ZFAT: variants seen among roughly 807,000 people sequenced by gnomAD.
ZFAT encodes the protein zinc finger protein ZFAT.
ZFAT carries 64 observed loss-of-function variants against 117.7 expected under a neutral mutation model. That is an observed-to-expected ratio of 0.54 (90% CI 0.44 to 0.67). ZFAT has a LOEUF of 0.67. ZFAT is among the 30% of genes least tolerant of loss of function. ZFAT has a pLI of 0.00. For missense variants in ZFAT, 1,433 were observed against 1,584.5 expected, an observed-to-expected ratio of 0.90 and a Z score of 1.62; for synonymous variants, 679 against 615.0, an observed-to-expected ratio of 1.10 and a Z score of -1.54.
chr8:134,617,999 C>T (rs895885660), intron 3 of ZFAT, among the ~76,000 whole-genome samples: 7 of 152,094 alleles, frequency 4.6e-5, no homozygotes, highest in African/African-American at 1.4e-4. Context: ...CTGATGGGTT[C>T]ATCAGGGGTT....
upstream of ZFAT, among the ~76,000 whole-genome samples, chr8:134,715,676 G>GGTTC (rs1227448796): frequency 1.3e-5 from 2 of 152,208 alleles, no homozygotes; most frequent in African/African-American, 4.8e-5. Flanking sequence ...CCTCGGTGAT[G>GGTTC]GTTCCTAGAA....
the ZFAT span, among the ~76,000 whole-genome samples, chr8:134,776,558 A>G: frequency 6.6e-6 from 1 of 152,126 alleles, no homozygotes; most frequent in Non-Finnish European, 1.5e-5. Flanking sequence ...TTTTAAAGTA[A>G]AACGAGATGA....
chr8:134,518,482 C>T (rs1162521929), intron 13 of ZFAT, among the ~76,000 whole-genome samples: 1 of 152,144 alleles, frequency 6.6e-6, no homozygotes. Flanking sequence ...GTGAGAAATT[C>T]CATCCAGGGC....
intron 11 of ZFAT, among the ~76,000 whole-genome samples, chr8:134,539,274 AC>A (rs1458055884): frequency 1.3e-5 from 2 of 152,344 alleles, no homozygotes; most frequent in African/African-American, 4.8e-5. Flanking sequence ...ACTGCAATGT[AC>A]AGGATGGCTT....
intron 1 of ZFAT, among the ~76,000 whole-genome samples, chr8:134,697,607 G>A (rs1336216071): frequency 6.6e-6 from 1 of 151,168 alleles, no homozygotes; most frequent in Non-Finnish European, 1.5e-5. Context: ...GGCGCCTGTA[G>A]TCCCAGCTAC....
chr8:134,611,385 A>C (rs564838424), intron 3 of ZFAT, among the ~76,000 whole-genome samples: 1 of 152,370 alleles, frequency 6.6e-6, no homozygotes, highest in South Asian at 2.1e-4. Flanking sequence ...GGCAGAGCCT[A>C]AGTATAAACC....
chr8:134,640,787 A>G (rs538972924), intron 2 of ZFAT, among the ~76,000 whole-genome samples: 20 of 152,352 alleles, frequency 1.3e-4, no homozygotes, highest in Non-Finnish European at 1.6e-4. Flanking sequence ...TGAAATATTC[A>G]TGAATGAACT....
Position 134,681,057 on chromosome 8 carries a change from T to C in ZFAT, c.20-23320A>G, listed in dbSNP as rs566947601. On this transcript the variant is annotated intron_variant, in intron 1 of 15. Transcript: ENST00000377838. ...TGTACACTGCTAGGTGGCTTATCCA[T>C]GAGCCCAGTCAGTCCCAACTACCCT... is the stretch of plus-strand genomic sequence containing the variant. Among the ~76,000 whole-genome samples, 227 of 152,350 alleles carry C rather than the reference T, an allele frequency of 1.5e-3. 1 individual carries two copies. The highest frequency in any genetic ancestry group is 5.1e-3 in the African/African-American group (210 of 41,584).
chr8:134,695,374 C>T (rs931973868), intron 1 of ZFAT, among the ~76,000 whole-genome samples: 1 of 147,140 alleles, frequency 6.8e-6, no homozygotes, highest in African/African-American at 2.7e-5. Flanking sequence ...GGCCCAGGCC[C>T]TCCGTCCGTA....
the ZFAT span, chr8:134,797,677 T>C: frequency 6.6e-6 from 1 of 152,000 alleles, no homozygotes; most frequent in African/African-American, 2.4e-5. Context: ...TATTAAATAG[T>C]AAAAATACCC....
At chr8:134,508,471 AC>A (rs1230296862) in intron 15 of ZFAT, among the ~76,000 whole-genome samples, 1 of 152,236 alleles carries the variant, frequency 6.6e-6, no homozygotes, top group Non-Finnish European at 1.5e-5. Context: ...CAATTCAGTA[AC>A]AAATTTAGTC....
intron 1 of ZFAT, among the ~76,000 whole-genome samples, chr8:134,663,336 C>T (rs1199566236): frequency 6.6e-6 from 1 of 152,118 alleles, no homozygotes; most frequent in East Asian, 1.9e-4. Flanking sequence ...GAATGGAATA[C>T]TCAGCTATTT....
intron 1 of ZFAT, among the ~76,000 whole-genome samples, chr8:134,696,255 G>A (rs1006372753): frequency 2.6e-5 from 4 of 152,180 alleles, no homozygotes; most frequent in African/African-American, 9.6e-5. Context: ...GACCCAGGCC[G>A]CATCTCTAGC....
At chr8:134,594,956 A>G (rs117465952) in intron 7 of ZFAT, 2 of 152,278 alleles carry the variant, frequency 1.3e-5, no homozygotes, top group Non-Finnish European at 2.9e-5. Flanking sequence ...GCTGCCTCAC[A>G]CTTTTGTGTC....
At chr8:134,648,437 A>G (rs1156938201) in intron 2 of ZFAT, among the ~76,000 whole-genome samples, 1 of 152,090 alleles carries the variant, frequency 6.6e-6, no homozygotes, top group African/African-American at 2.4e-5. Context: ...AAGAAAAAAT[A>G]GCAAGACCTA....
chr8:134,822,131 T>C, the ZFAT span, among the ~76,000 whole-genome samples: 1 of 152,300 alleles, frequency 6.6e-6, no homozygotes, highest in African/African-American at 2.4e-5. Context: ...ATGCAAAACC[T>C]ATTTTAAAAG....
In ZFAT at chr8:134,477,909, A is replaced by G; in HGVS notation, c.*573T>C. 1 of 153,764 alleles carries G rather than the reference A, an allele frequency of 6.5e-6. No homozygotes were observed. The highest frequency in any genetic ancestry group is 1.4e-5 in the Non-Finnish European group (1 of 69,044). 9.5% of individuals were successfully genotyped at this position (153,764 alleles called of 1,614,324 possible). On this transcript the variant is annotated 3_prime_UTR_variant, in exon 16 of 16. Transcript: ENST00000377838. ...CAGGATGGTAGGGCGAGACCCTGTG[A>G]TGGGTGAATTTACCTCACTTGATAC... is the stretch of plus-strand genomic sequence containing the variant.
At chr8:134,493,434 A>G (rs1818200175) in intron 15 of ZFAT, among the ~76,000 whole-genome samples, 1 of 152,218 alleles carries the variant, frequency 6.6e-6, no homozygotes, top group Non-Finnish European at 1.5e-5. Context: ...AGGTTTCCAT[A>G]CTGGCCAAAC....
At chr8:134,725,713 C>T in the ZFAT span, among the ~76,000 whole-genome samples, 17 of 151,718 alleles carry the variant, frequency 1.1e-4, no homozygotes, top group East Asian at 1.4e-3. Context: ...ATTGAATGAA[C>T]GAAGCAACTA....
Sources: allele counts gnomAD v4.1 joint callset (sites outside exome capture counted in the v4.1 genomes callset), GRCh38; gene constraint gnomAD v4.1.1; transcripts MANE v1.5; gene names NCBI Gene and HGNC (gene_info 2026-07-23, HGNC 2026-07-21).